BAZ2B: variants seen among roughly 807,000 people sequenced by gnomAD.
BAZ2B encodes the protein bromodomain adjacent to zinc finger domain protein 2B.
A neutral mutation model predicts 246.0 loss-of-function variants in BAZ2B; 91 were observed. That is an observed-to-expected ratio of 0.37 (90% CI 0.31 to 0.44). The LOEUF (loss-of-function observed/expected upper bound fraction) is 0.44. BAZ2B is among the 20% of genes least tolerant of loss of function. BAZ2B has a pLI of 1.00. For missense variants in BAZ2B, 2,332 were observed against 2,533.7 expected (o/e 0.92, Z 1.71); for synonymous variants, 855 against 860.0 (o/e 0.99, Z 0.10).
chr2:159,365,040 G>A (rs2060080947), intron 27 of BAZ2B, among the ~76,000 whole-genome samples: 2 of 152,038 alleles, frequency 1.3e-5, no homozygotes, highest in African/African-American at 2.4e-5. Context: ...ACACCTTTGG[G>A]GTTACTGTGT....
chr2:159,453,091 T>C (rs2075299953), intron 4 of BAZ2B, among the ~76,000 whole-genome samples: 1 of 151,920 alleles, frequency 6.6e-6, no homozygotes, highest in Non-Finnish European at 1.5e-5. Context: ...CAGAGCAAGA[T>C]TTCGTTTCAG....
intron 34 of BAZ2B, among the ~76,000 whole-genome samples, chr2:159,330,435 C>T (rs151068118): frequency 6.6e-6 from 1 of 152,272 alleles, no homozygotes; most frequent in East Asian, 1.9e-4. Context: ...AGAGAGCGTT[C>T]AGTTCTATCA....
intron 13 of BAZ2B, among the ~76,000 whole-genome samples, chr2:159,421,575 T>A (rs183929809): frequency 6.6e-6 from 1 of 152,108 alleles, no homozygotes; most frequent in Admixed American, 6.5e-5. Context: ...AATGATAAAT[T>A]TATCTAAATT....
Position 159,570,186 on chromosome 2 carries a change from T to G in BAZ2B, c.-45-14321A>C, listed in dbSNP as rs867460842. Among the ~76,000 whole-genome samples, 518 of 151,632 alleles carry G rather than the reference T, an allele frequency of 3.4e-3. 5 individuals carry two copies. Among genetic ancestry groups the G allele is most frequent in the African/African-American group, 9.4e-3 (389 of 41,206 alleles). Reference sequence around the variant, plus strand: ...ATTTCATTAAAGTTTTTTTTTGTTTTTTTTGTTTTTTTTCTGGAGACAGAC... The same window carrying G: ...ATTTCATTAAAGTTTTTTTTTGTTTGTTTTGTTTTTTTTCTGGAGACAGAC... On this transcript the variant is annotated intron_variant, in intron 1 of 36. Coordinates refer to ENST00000392783, the MANE Select transcript of BAZ2B (RefSeq NM_013450.4).
intron 11 of BAZ2B, 22 bp downstream of exon 11, chr2:159,429,178 A>C (rs1259910357): frequency 6.7e-7 from 1 of 1,492,744 alleles, no homozygotes; most frequent in African/African-American, 1.4e-5. Context: ...AAAAAGAAAA[A>C]GGAAAACCTT....
intron 34 of BAZ2B, among the ~76,000 whole-genome samples, chr2:159,328,244 T>C (rs2064066348): frequency 6.6e-6 from 1 of 152,160 alleles, no homozygotes; most frequent in African/African-American, 2.4e-5. Flanking sequence ...CTGATTACTT[T>C]GCTCTTGGGC....
chr2:159,493,480 C>A (rs1247845845), intron 2 of BAZ2B, among the ~76,000 whole-genome samples: 1 of 152,128 alleles, frequency 6.6e-6, no homozygotes, highest in Non-Finnish European at 1.5e-5. Context: ...CAGATACTAC[C>A]TTATTAAAGT....
chr2:159,446,080 C>T (rs1240778874), intron 6 of BAZ2B, among the ~76,000 whole-genome samples: 1 of 152,106 alleles, frequency 6.6e-6, no homozygotes, highest in African/African-American at 2.4e-5. Context: ...TGCCACTACA[C>T]TCCAGCCAGT....
At chr2:159,520,037 G>T (rs1334548530) in intron 2 of BAZ2B, among the ~76,000 whole-genome samples, 2 of 151,724 alleles carry the variant, frequency 1.3e-5, no homozygotes, top group Admixed American at 1.3e-4. Context: ...TTTACTTTTT[G>T]TTACTGGTGC....
chr2:159,402,348 G>A (rs1170406363), intron 16 of BAZ2B, among the ~76,000 whole-genome samples: 3 of 152,180 alleles, frequency 2.0e-5, no homozygotes, highest in South Asian at 2.1e-4. Flanking sequence ...TACCTGGGAG[G>A]CTGAGGCAGG....
At chr2:159,349,669 A>T in intron 28 of BAZ2B, 39 bp downstream of exon 28, 1 of 1,537,716 alleles carries the variant, frequency 6.5e-7, no homozygotes. Context: ...AAGATTACAT[A>T]AAGCAATATA....
At chr2:159,548,222 AC>A (rs2087653840) in intron 2 of BAZ2B, among the ~76,000 whole-genome samples, 1 of 152,172 alleles carries the variant, frequency 6.6e-6, no homozygotes, top group Non-Finnish European at 1.5e-5. Flanking sequence ...AAATTTTAAC[AC>A]CTTTAGATTT....
intron 3 of BAZ2B, among the ~76,000 whole-genome samples, chr2:159,457,116 T>C (rs2075872450): frequency 6.6e-6 from 1 of 152,208 alleles, no homozygotes; most frequent in African/African-American, 2.4e-5. Flanking sequence ...AATTATTCTG[T>C]TATTTAACAG....
intron 17 of BAZ2B, 82 bp from the exon 18 acceptor site, chr2:159,398,976 C>T: frequency 1.1e-5 from 15 of 1,319,030 alleles, no homozygotes; most frequent in East Asian, 2.3e-5. Context: ...AATGAAGCTA[C>T]ATGTCTCACA....
chr2:159,360,298 T>C (rs1253766441), intron 27 of BAZ2B, among the ~76,000 whole-genome samples: 1 of 152,206 alleles, frequency 6.6e-6, no homozygotes, highest in Non-Finnish European at 1.5e-5. Context: ...CAAGCATTCC[T>C]ATCCACCAAT....
chr2:159,432,469 A>G (rs941498507), intron 9 of BAZ2B, among the ~76,000 whole-genome samples: 24 of 152,224 alleles, frequency 1.6e-4, no homozygotes, highest in African/African-American at 5.8e-4. Context: ...GTCCTGAATG[A>G]AATAAAAATT....
intron 33 of BAZ2B, among the ~76,000 whole-genome samples, chr2:159,336,712 C>T (rs1329603024): frequency 2.0e-5 from 3 of 151,936 alleles, no homozygotes; most frequent in Admixed American, 6.6e-5. Context: ...GAGGTATAAA[C>T]GATATTCAAA....
Position 159,567,770 on chromosome 2 carries a change from G to A in BAZ2B, c.-45-11905C>T, listed in dbSNP as rs925906132. Among the ~76,000 whole-genome samples the A allele has an allele frequency of 3.9e-5, 6 of 152,036 alleles. No individual in the cohort carries two copies. The East Asian group carries it at 9.7e-4, about 24-fold the overall frequency. On this transcript the variant is annotated intron_variant, in intron 1 of 36. Transcript: ENST00000392783. ...GGGCAGCTCACGAGGTCAAGAGATC[G>A]AGACCATCCTGACCAACATGGTGAA...
At chr2:159,567,366 G>C (rs1682877017) in intron 1 of BAZ2B, among the ~76,000 whole-genome samples, 1 of 152,074 alleles carries the variant, frequency 6.6e-6, no homozygotes, top group Admixed American at 6.5e-5. Context: ...GCTTTTATTT[G>C]TTTATATCAC....
Sources: gnomAD v4.1 joint callset for allele counts (sites outside exome capture counted in the v4.1 genomes callset) on GRCh38, gnomAD v4.1.1 for gene constraint, MANE v1.5 for transcripts, NCBI Gene and HGNC (gene_info 2026-07-23, HGNC 2026-07-21) for gene names.